Variants in CNRIP1 observed in about 807,000 individuals in gnomAD.
The protein encoded by CNRIP1 is CB1 cannabinoid receptor-interacting protein 1.
In CNRIP1, 10 loss-of-function variants were observed where a neutral mutation model predicts 15.2. The ratio of observed to expected loss-of-function variants is 0.66; its 90% CI spans 0.41 to 1.12. The LOEUF (loss-of-function observed/expected upper bound fraction) is 1.12, where lower values mean the gene tolerates loss of function less well. Ranked by LOEUF, CNRIP1 falls within the 50% of genes most tolerant of loss-of-function variation. The probability of loss-of-function intolerance (pLI) is 0.00; values close to 1 mark genes in which losing one functional copy is unlikely to be tolerated. For synonymous variants in CNRIP1, 91 were observed against 83.2 expected, an observed-to-expected ratio of 1.09 and a Z score of -0.51; for missense variants, 211 against 214.7, an observed-to-expected ratio of 0.98 and a Z score of 0.11.
intron 2 of CNRIP1, among the ~76,000 whole-genome samples, chr2:68,303,549 C>T (rs10189004): frequency 0.14 from 20,602 of 152,146 alleles, 1,934 homozygotes; most frequent in African/African-American, 0.27. Context: ...ACTTCTTTTG[C>T]TTTAGATGTA....
intron 2 of CNRIP1, among the ~76,000 whole-genome samples, chr2:68,302,164 G>A (rs955354085): frequency 1.3e-5 from 2 of 151,844 alleles, no homozygotes; most frequent in African/African-American, 2.4e-5. Flanking sequence ...TATATCTTTT[G>A]CTTAATTTCC....
At chr2:68,305,268 A>ATGTG (rs1478276359) in intron 2 of CNRIP1, among the ~76,000 whole-genome samples, 7 of 103,606 alleles carry the variant, frequency 6.8e-5, no homozygotes, top group African/African-American at 2.5e-4. Flanking sequence ...AAATATATAT[A>ATGTG]TATATATGTG....
chr2:68,307,197 T>G (rs1024171071), intron 2 of CNRIP1, among the ~76,000 whole-genome samples: 1 of 152,226 alleles, frequency 6.6e-6, no homozygotes, highest in Non-Finnish European at 1.5e-5. Context: ...GTATATATTG[T>G]CAAACTATTG....
At chr2:68,296,718 ACCT>A (rs999231099) in intron 2 of CNRIP1, among the ~76,000 whole-genome samples, 2 of 151,712 alleles carry the variant, frequency 1.3e-5, no homozygotes, top group East Asian at 3.9e-4. Flanking sequence ...GCTCACTGCA[ACCT>A]CTGCTGCCCG....
intron 2 of CNRIP1, among the ~76,000 whole-genome samples, chr2:68,287,357 A>G (rs1315047191): frequency 1.3e-5 from 2 of 152,256 alleles, no homozygotes; most frequent in Non-Finnish European, 1.5e-5. Context: ...CCAAAAAAGC[A>G]GATTGATACA....
intron 2 of CNRIP1, among the ~76,000 whole-genome samples, chr2:68,303,914 T>C (rs958056007): frequency 1.4e-4 from 22 of 151,880 alleles, no homozygotes; most frequent in Non-Finnish European, 2.9e-5. Context: ...CTGTCTCTAC[T>C]AAAAATACAA....
At chr2:68,306,358 A>T (rs1333720853) in intron 2 of CNRIP1, among the ~76,000 whole-genome samples, 3 of 151,440 alleles carry the variant, frequency 2.0e-5, no homozygotes, top group Admixed American at 6.6e-5. Context: ...GAGTACCAGG[A>T]TACTGTTTAC....
At chr2:68,291,161 T>G (rs1671159168), downstream of CNRIP1, among the ~76,000 whole-genome samples, 2 of 152,172 alleles carry the variant, frequency 1.3e-5, no homozygotes, top group Non-Finnish European at 2.9e-5. Flanking sequence ...TCACTTAACG[T>G]GCAGATTAGC....
intron 1 of CNRIP1, among the ~76,000 whole-genome samples, chr2:68,318,051 G>T (rs2103697826): frequency 6.6e-6 from 1 of 152,156 alleles, no homozygotes; most frequent in East Asian, 1.9e-4. Flanking sequence ...GATAACTCCG[G>T]GGATAAGGTT....
rs139757817 is a variant in CNRIP1, at chr2:68,293,988, G to C, written c.369C>G (p.Val123=). The C allele has an allele frequency of 1.1e-4, 185 of 1,614,060 alleles. No homozygotes were observed. The African/African-American group carries it at 2.2e-3, about 19-fold the overall frequency. Residue 123 remains valine, a synonymous_variant, in exon 3 of 3, where the codon GTC becomes GTG. Transcript: ENST00000263655. ...DIGTFETVWQ[V]KFYNYHKRDH... ...CCCGCTTGTGGTAATTGTAGAACTT[G>C]ACTTGCCACACTGTCTCGAAGGTCC... is the stretch of plus-strand genomic sequence containing the variant.
chr2:68,316,500 G>A (rs150522730), intron 2 of CNRIP1: 3 of 152,058 alleles, frequency 2.0e-5, no homozygotes, highest in Admixed American at 6.6e-5. Flanking sequence ...TGCACATATA[G>A]TTAAATCTAT....
Position 68,293,652 on chromosome 2 carries a change from A to G in CNRIP1, c.*210T>C, listed in dbSNP as rs1335300164. 1.6e-6 allele frequency: 2 copies of G among 1,275,884 alleles called. No individual in the cohort carries two copies. Among genetic ancestry groups the G allele is most frequent in the Non-Finnish European group, 2.0e-6 (2 of 1,002,746 alleles). 79.0% of individuals were successfully genotyped at this position (1,275,884 alleles called of 1,614,324 possible). A position where few individuals can be genotyped will look rare whatever the true frequency, so the allele number is the denominator to read the frequency against. The stretch of plus-strand genomic sequence containing the variant: ...AACATCAGCACAAAATACAGATGGG[A>G]ATATTCTCGGGAGTGGTACATCACC... On this transcript the variant is annotated 3_prime_UTR_variant, in exon 3 of 3. Coordinates refer to ENST00000263655, the MANE Select transcript of CNRIP1 (RefSeq NM_015463.3).
intron 2 of CNRIP1, among the ~76,000 whole-genome samples, chr2:68,299,416 G>A (rs1277384358): frequency 6.6e-6 from 1 of 152,132 alleles, no homozygotes; most frequent in Non-Finnish European, 1.5e-5. Context: ...TCATGAGGGT[G>A]GAGCCCACAT....
chr2:68,309,384 TTTGGTCCTGACTTTTA>T (rs1320765991), intron 2 of CNRIP1, among the ~76,000 whole-genome samples: 1 of 152,216 alleles, frequency 6.6e-6, no homozygotes, highest in African/African-American at 2.4e-5. Flanking sequence ...TATCTTTATT[TTTGGTCCTGACTTTTA>T]TGGGAAATTT....
At chr2:68,299,718 A>C (rs1417261358) in intron 2 of CNRIP1, among the ~76,000 whole-genome samples, 1 of 152,198 alleles carries the variant, frequency 6.6e-6, no homozygotes, top group African/African-American at 2.4e-5. Context: ...TTTTTACTTC[A>C]CAACTAATGT....
At chr2:68,284,584 G>A (rs1011348585) in intron 2 of CNRIP1, 9 of 672,284 alleles carry the variant, frequency 1.3e-5, no homozygotes, top group Non-Finnish European at 2.2e-5. Flanking sequence ...GGCCAAGGCA[G>A]GCAGATCTCT....
chr2:68,302,959 T>C lies in CNRIP1; in HGVS notation c.331-8933A>G, dbSNP rs1671669462. ...CCCCCCGGGGTTCACGCCATTCTCC[T>C]GCCTCAGCCTCCCGAGTAGCTGGGA... On this transcript the variant is annotated intron_variant, in intron 2 of 2. Coordinates refer to ENST00000263655, the MANE Select transcript of CNRIP1 (RefSeq NM_015463.3). Among the ~76,000 whole-genome samples, 5 of 150,350 alleles carry C rather than the reference T, an allele frequency of 3.3e-5. No individual in the cohort carries two copies. The South Asian group carries it at 1.0e-3, about 32-fold the overall frequency.
At chr2:68,306,309 G>T in intron 2 of CNRIP1, among the ~76,000 whole-genome samples, 1 of 133,854 alleles carries the variant, frequency 7.5e-6, no homozygotes. Flanking sequence ...TGGTAATAGT[G>T]AGATCCTATC....
chr2:68,292,566 T>C (rs969182800), downstream of CNRIP1, among the ~76,000 whole-genome samples: 1 of 152,198 alleles, frequency 6.6e-6, no homozygotes, highest in Non-Finnish European at 1.5e-5. Context: ...AAATAGCATG[T>C]TACTTTTCAA....
Sources: allele counts gnomAD v4.1 joint callset (sites outside exome capture counted in the v4.1 genomes callset), GRCh38; gene constraint gnomAD v4.1.1; transcripts MANE v1.5; gene names NCBI Gene and HGNC (gene_info 2026-07-23, HGNC 2026-07-21).